STXBP5L: variants seen among roughly 807,000 people sequenced by gnomAD.
STXBP5L encodes the protein syntaxin-binding protein 5-like.
STXBP5L carries 65 observed loss-of-function variants against 144.5 expected under a neutral mutation model. That is an observed-to-expected ratio of 0.45 (90% CI 0.37 to 0.55). STXBP5L has a LOEUF of 0.55. Ranked by LOEUF, STXBP5L falls within the 20% of genes least tolerant of loss-of-function variation. The pLI, the probability that STXBP5L is intolerant of heterozygous loss-of-function variation, is 0.00. For missense variants in STXBP5L, 1,298 were observed against 1,405.5 expected (o/e 0.92, Z 1.22); for synonymous variants, 505 against 469.6 (o/e 1.08, Z -0.97).
At chr3:120,926,412 A>C (rs1709635363) in intron 2 of STXBP5L, among the ~76,000 whole-genome samples, 1 of 148,042 alleles carries the variant, frequency 6.8e-6, no homozygotes, top group Non-Finnish European at 1.5e-5. Flanking sequence ...TTCCATTGAG[A>C]AGTCTGAATG....
intron 9 of STXBP5L, among the ~76,000 whole-genome samples, chr3:121,197,621 A>G (rs1470469821): frequency 1.3e-5 from 2 of 151,988 alleles, no homozygotes; most frequent in Admixed American, 1.3e-4. Context: ...CCCCGCATGC[A>G]TTAGGTATTT....
chr3:120,909,179 AGACAGAG>A, intron 1 of STXBP5L: 1 of 158,330 alleles, frequency 6.3e-6, no homozygotes. Context: ...CTTAAGAGAG[AGACAGAG>A]TCTTGGTCTG....
chr3:121,364,482 C>CA (rs34692428), intron 20 of STXBP5L, among the ~76,000 whole-genome samples: 17,269 of 134,660 alleles, frequency 0.13, 1,430 homozygotes, highest in Admixed American at 0.23. Flanking sequence ...TCTATATCTG[C>CA]AAAAAAAAAA....
intron 19 of STXBP5L, among the ~76,000 whole-genome samples, chr3:121,302,079 T>C (rs954129203): frequency 2.6e-5 from 4 of 152,208 alleles, no homozygotes. Flanking sequence ...TTAGGGAGGA[T>C]TCCCTCTTTT....
intron 5 of STXBP5L, among the ~76,000 whole-genome samples, chr3:121,083,306 G>A (rs2107700600): frequency 6.6e-6 from 1 of 152,230 alleles, no homozygotes; most frequent in East Asian, 1.9e-4. Flanking sequence ...TTGTTCTCAG[G>A]TAGTCTTTAT....
intron 20 of STXBP5L, among the ~76,000 whole-genome samples, chr3:121,367,608 T>G (rs1226592958): frequency 7.1e-5 from 10 of 141,216 alleles, no homozygotes; most frequent in South Asian, 2.3e-4. Flanking sequence ...TTTTTTTTTT[T>G]TTTTTTTTTT....
chr3:121,087,732 A>C (rs1576906672), intron 5 of STXBP5L, among the ~76,000 whole-genome samples: 1 of 151,862 alleles, frequency 6.6e-6, no homozygotes, highest in African/African-American at 2.4e-5. Flanking sequence ...TCTATTTGTT[A>C]TTGCTCTGCT....
At chr3:121,076,981 A>G (rs1298880061) in intron 5 of STXBP5L, among the ~76,000 whole-genome samples, 1 of 152,062 alleles carries the variant, frequency 6.6e-6, no homozygotes, top group East Asian at 1.9e-4. Context: ...GCAGTGTCCT[A>G]GGTCTGGTTT....
At chr3:121,403,436 T>G (rs1214814293) in intron 22 of STXBP5L, among the ~76,000 whole-genome samples, 1 of 152,140 alleles carries the variant, frequency 6.6e-6, no homozygotes, top group Non-Finnish European at 1.5e-5. Context: ...TTCACCTACT[T>G]AAGAAAGTCA....
At chr3:121,212,280 G>A (rs1355055187) in intron 10 of STXBP5L, among the ~76,000 whole-genome samples, 1 of 152,080 alleles carries the variant, frequency 6.6e-6, no homozygotes, top group African/African-American at 2.4e-5. Context: ...TAGTTATGAA[G>A]TGTTTGCCCA....
At position 121,381,512 on chromosome 3, in the gene STXBP5L, C is replaced by T. The variant is rs755578498; in HGVS notation, c.2567C>T (p.Pro856Leu). The T allele has an allele frequency of 6.3e-7, 1 of 1,592,402 alleles. No homozygotes were observed. Residue 856 changes from proline to leucine, a missense_variant, in exon 22 of 27, where the codon CCA (proline) becomes CTA (leucine). Physicochemically the swap from Pro to Leu is moderately conservative, Grantham distance 98 (BLOSUM62 -3). Transcript: ENST00000471454. ...PLADEQRFTE[P>L]VMVLPSGTFL... ...GCAGATGAACAAAGGTTTACAGAGC[C>T]AGTCATGGTATTGCCAAGTGGTAAG...
intron 19 of STXBP5L, among the ~76,000 whole-genome samples, chr3:121,312,413 A>G (rs371198581): frequency 3.8e-4 from 5 of 13,078 alleles, no homozygotes; most frequent in Non-Finnish European, 6.1e-4. Flanking sequence ...ATGTAGTTTT[A>G]TTTGTTTTGT....
chr3:121,204,238 C>T (rs1369943327), intron 9 of STXBP5L, among the ~76,000 whole-genome samples: 1 of 148,936 alleles, frequency 6.7e-6, no homozygotes, highest in Non-Finnish European at 1.5e-5. Flanking sequence ...GACTCTGTCT[C>T]AAAAAAAAAG....
intron 3 of STXBP5L, among the ~76,000 whole-genome samples, chr3:120,986,756 CA>C (rs1226693052): frequency 1.3e-5 from 2 of 151,322 alleles, no homozygotes; most frequent in African/African-American, 4.8e-5. Context: ...AAAGAAATAG[CA>C]AACAAAAAAA....
chr3:121,100,434 C>T (rs2043358554), intron 5 of STXBP5L, among the ~76,000 whole-genome samples: 1 of 151,566 alleles, frequency 6.6e-6, no homozygotes, highest in South Asian at 2.1e-4. Context: ...ATAATCAATA[C>T]CAAGATCTTT....
At chr3:121,110,319 C>T (rs2043919107) in intron 5 of STXBP5L, among the ~76,000 whole-genome samples, 1 of 152,038 alleles carries the variant, frequency 6.6e-6, no homozygotes, top group African/African-American at 2.4e-5. Flanking sequence ...CTTTGTACTT[C>T]AGTGTGGTTT....
In STXBP5L at chr3:121,381,541, T is replaced by C; in HGVS notation, c.2587+9T>C. ...CATGGTATTGCCAAGTGGTAAGAGT[T>C]TGTATTCATTCATTCCTTCACTGTT... On this transcript the variant is annotated intron_variant, in intron 22 of 26. Coordinates refer to ENST00000471454, the MANE Select transcript of STXBP5L (RefSeq NM_001308330.2). 6.3e-7 allele frequency: 1 copy of C among 1,585,520 alleles called. No homozygotes were observed. The highest frequency in any genetic ancestry group is 8.5e-7 in the Non-Finnish European group (1 of 1,172,112).
chr3:121,008,874 A>G (rs766945632), intron 3 of STXBP5L, among the ~76,000 whole-genome samples: 1 of 152,036 alleles, frequency 6.6e-6, no homozygotes, highest in Non-Finnish European at 1.5e-5. Flanking sequence ...CAATTGTAAT[A>G]AATAAAATAT....
chr3:121,166,713 A>G (rs1361090957), intron 9 of STXBP5L, among the ~76,000 whole-genome samples: 1 of 152,160 alleles, frequency 6.6e-6, no homozygotes, highest in Non-Finnish European at 1.5e-5. Context: ...TTGAAAGGTC[A>G]TTGCTCAATA....
Sources: gnomAD v4.1 joint callset for allele counts (sites outside exome capture counted in the v4.1 genomes callset) on GRCh38, gnomAD v4.1.1 for gene constraint, MANE v1.5 for transcripts, NCBI Gene and HGNC (gene_info 2026-07-23, HGNC 2026-07-21) for gene names.